ZNRF3: variants seen among roughly 807,000 people sequenced by gnomAD.
ZNRF3 encodes the protein zinc and ring finger 3, also known as E3 ubiquitin-protein ligase ZNRF3.
In ZNRF3, 23 loss-of-function variants were observed where a neutral mutation model predicts 72.5. The observed-to-expected ratio is 0.32, with a 90% CI of 0.23 to 0.45. The LOEUF (loss-of-function observed/expected upper bound fraction) is 0.45. ZNRF3 is among the 20% of genes least tolerant of loss of function. The pLI is 1.00. For synonymous variants in ZNRF3, 610 were observed against 545.3 expected (o/e 1.12, Z -1.65); for missense variants, 1,169 against 1,272.1 (o/e 0.92, Z 1.23).
At chr22:29,020,776 GGTGTGT>G (rs3037492) in intron 2 of ZNRF3, among the ~76,000 whole-genome samples, 63 of 86,154 alleles carry the variant, frequency 7.3e-4, no homozygotes, top group African/African-American at 1.1e-3. Flanking sequence ...TGTGTGTGTG[GGTGTGT>G]GTGTGTGTGT....
chr22:28,932,311 T>TA (rs890059963), intron 1 of ZNRF3, among the ~76,000 whole-genome samples: 110 of 148,314 alleles, frequency 7.4e-4, no homozygotes, highest in African/African-American at 2.4e-3. Flanking sequence ...TCACCCAGGT[T>TA]AAAAAAAAAA....
chr22:29,027,914 G>T (rs1281050436), intron 2 of ZNRF3, among the ~76,000 whole-genome samples: 1 of 152,154 alleles, frequency 6.6e-6, no homozygotes, highest in East Asian at 1.9e-4. Flanking sequence ...CTTTGGTAGG[G>T]TGTCATCAAA....
At chr22:29,040,661 G>C (rs1047208219) in intron 2 of ZNRF3, among the ~76,000 whole-genome samples, 1 of 152,158 alleles carries the variant, frequency 6.6e-6, no homozygotes, top group Non-Finnish European at 1.5e-5. Context: ...GTGGACAATC[G>C]GCAGAGACTT....
At chr22:28,895,066 C>G (rs1016189288) in intron 1 of ZNRF3, among the ~76,000 whole-genome samples, 2 of 152,128 alleles carry the variant, frequency 1.3e-5, no homozygotes, top group Non-Finnish European at 2.9e-5. Flanking sequence ...CTGTAGCTGG[C>G]CATCCTTTCT....
intron 1 of ZNRF3, among the ~76,000 whole-genome samples, chr22:28,924,549 G>C (rs1266324928): frequency 6.6e-6 from 1 of 152,008 alleles, no homozygotes; most frequent in Non-Finnish European, 1.5e-5. Flanking sequence ...GTTCAAACCA[G>C]CTGGGGCAAC....
At chr22:28,923,157 T>G (rs1431860079) in intron 1 of ZNRF3, among the ~76,000 whole-genome samples, 3 of 152,188 alleles carry the variant, frequency 2.0e-5, no homozygotes, top group Admixed American at 2.0e-4. Context: ...AGGGGCCATT[T>G]CTAATCTGAT....
intron 2 of ZNRF3, among the ~76,000 whole-genome samples, chr22:29,033,350 CAAA>C (rs60310622): frequency 0.026 from 1,742 of 66,036 alleles, 10 homozygotes; most frequent in African/African-American, 0.05. Flanking sequence ...GACTCCATCT[CAAA>C]AAAAAAAAAA....
intron 2 of ZNRF3, among the ~76,000 whole-genome samples, chr22:29,038,251 A>T (rs1043300730): frequency 1.3e-5 from 2 of 152,004 alleles, no homozygotes; most frequent in African/African-American, 4.8e-5. Flanking sequence ...GATCTGTGAG[A>T]GTGATTGGTT....
Position 29,050,754 on chromosome 22 carries a change from C to G in ZNRF3, c.2573C>G (p.Thr858Arg). Residue 858 changes from threonine to arginine, a missense_variant, in exon 8 of 9, where the codon ACG becomes AGG. By Grantham distance (71) the Thr-to-Arg change is moderately conservative. Coordinates refer to ENST00000544604, the MANE Select transcript of ZNRF3 (RefSeq NM_001206998.2). ...GTHSLGSWGG[T>R]RGPDTPRPHR... Reference sequence around the variant, plus strand: ...CACAGCCTCGGCTCCTGGGGTGGGACGCGAGGCCCGGATACCCCACGGCCC... The same window carrying G: ...CACAGCCTCGGCTCCTGGGGTGGGAGGCGAGGCCCGGATACCCCACGGCCC... The G allele has an allele frequency of 1.2e-6, 2 of 1,607,736 alleles. No individual in the cohort carries two copies. Among genetic ancestry groups the G allele is most frequent in the Non-Finnish European group, 1.7e-6 (2 of 1,177,452 alleles).
In ZNRF3 at chr22:29,050,524, C is replaced by T; in HGVS notation, c.2343C>T (p.Phe781=). 6.2e-7 allele frequency: 1 copy of T among 1,612,198 alleles called. No homozygotes were observed. The highest frequency in any genetic ancestry group is 1.3e-5 in the African/African-American group (1 of 75,040). ...GVKYEGLPCC[F]YEEKQVARGG... ...AATACGAGGGTCTGCCCTGCTGCTT[C>T]TATGAAGAGAAGCAGGTGGCCCGCG... The change falls in exon 8 of 9, where the codon TTC becomes TTT. Residue 781 remains phenylalanine (F), a synonymous_variant. Transcript: ENST00000544604.
chr22:29,053,073 C>G (rs1315650613), intron 8 of ZNRF3, among the ~76,000 whole-genome samples: 1 of 152,142 alleles, frequency 6.6e-6, no homozygotes, highest in Non-Finnish European at 1.5e-5. Flanking sequence ...CCTGCTTTCA[C>G]CTCCTGTGGC....
intron 1 of ZNRF3, among the ~76,000 whole-genome samples, chr22:28,915,781 G>A (rs2034396761): frequency 6.6e-6 from 1 of 152,200 alleles, no homozygotes; most frequent in South Asian, 2.1e-4. Context: ...TACAGTTTCA[G>A]TAACAGCTTT....
intron 2 of ZNRF3, among the ~76,000 whole-genome samples, chr22:28,994,023 T>C (rs947267084): frequency 4.6e-5 from 7 of 151,958 alleles, no homozygotes; most frequent in Admixed American, 1.3e-4. Flanking sequence ...CGCGTCTGTG[T>C]GTTTAGATGG....
Position 29,050,967 on chromosome 22 carries a change from A to G in ZNRF3, c.2767+19A>G, listed in dbSNP as rs531765151. The G allele has an allele frequency of 1.3e-6, 2 of 1,501,712 alleles. No individual in the cohort carries two copies. Among genetic ancestry groups the G allele is most frequent in the Admixed American group, 4.5e-5 (2 of 44,430 alleles). 93.0% of individuals were successfully genotyped at this position (1,501,712 alleles called of 1,614,324 possible). On this transcript the variant is annotated intron_variant, in intron 8 of 8. Transcript: ENST00000544604. Reference sequence around the variant, plus strand: ...GCTGCAGGTGAGAGCAGGAAATGGCAGTAGGTCAGAGCAGGAGTTTCCATC... The same window carrying G: ...GCTGCAGGTGAGAGCAGGAAATGGCGGTAGGTCAGAGCAGGAGTTTCCATC...
At chr22:28,950,878 C>T (rs1032641312) in intron 1 of ZNRF3, among the ~76,000 whole-genome samples, 3 of 152,176 alleles carry the variant, frequency 2.0e-5, no homozygotes, top group African/African-American at 4.8e-5. Context: ...ATGTATTTTG[C>T]GCCTTGTCCT....
rs1331181039 is a variant in ZNRF3, at chr22:29,050,409, C to G, written c.2228C>G (p.Ser743Cys). Residue 743 changes from serine (S) to cysteine (C), a missense_variant, in exon 8 of 9, where the codon TCT becomes TGT. This residue lies in a region of ZNRF3 where 783 missense variants were observed against 731.4 expected (regional missense o/e 1.07). Coordinates refer to ENST00000544604, the MANE Select transcript of ZNRF3 (RefSeq NM_001206998.2). ...LFLGPHLYEG[S>C]GPAGGEPQSG... ...CTGGGGCCCCACCTCTACGAGGGCT[C>G]TGGCCCGGCGGGTGGGGAGCCCCAG... 1 of 1,606,788 alleles carries G rather than the reference C, an allele frequency of 6.2e-7. No individual in the cohort carries two copies. Among genetic ancestry groups the G allele is most frequent in the Admixed American group, 1.7e-5 (1 of 59,784 alleles).
chr22:28,929,044 C>T (rs1012215623), intron 1 of ZNRF3, among the ~76,000 whole-genome samples: 2 of 152,122 alleles, frequency 1.3e-5, no homozygotes, highest in African/African-American at 2.4e-5. Context: ...CTTTCCTAAC[C>T]ATCCATGAGA....
intron 3 of ZNRF3, among the ~76,000 whole-genome samples, chr22:29,042,839 A>G (rs2036991299): frequency 6.6e-6 from 1 of 150,694 alleles, no homozygotes. Context: ...CAGTGGCGCA[A>G]TTTCAGCTCA....
At chr22:29,051,227 C>G (rs1418543382) in intron 8 of ZNRF3, among the ~76,000 whole-genome samples, 3 of 152,160 alleles carry the variant, frequency 2.0e-5, no homozygotes, top group African/African-American at 4.8e-5. Flanking sequence ...TGCTCCCCAT[C>G]CGCATGCTCA....
Sources: allele counts gnomAD v4.1 joint callset (sites outside exome capture counted in the v4.1 genomes callset), GRCh38; gene constraint gnomAD v4.1.1; regional missense constraint gnomAD v4.1.1; transcripts MANE v1.5; gene names NCBI Gene and HGNC (gene_info 2026-07-23, HGNC 2026-07-21).